The following SLC25A23 variants were observed in gnomAD, a reference collection of about 807,000 sequenced individuals.
The protein encoded by SLC25A23 is solute carrier family 25 member 23, also known as mitochondrial adenyl nucleotide antiporter SLC25A23.
A neutral mutation model predicts 53.9 loss-of-function variants in SLC25A23; 32 were observed. That is an observed-to-expected ratio of 0.59 (90% CI 0.45 to 0.80). SLC25A23 has a LOEUF of 0.80. Ranked by LOEUF, SLC25A23 falls within the 30% of genes least tolerant of loss-of-function variation. The probability of loss-of-function intolerance (pLI) is 0.00; values close to 1 mark genes in which losing one functional copy is unlikely to be tolerated. For missense variants in SLC25A23, 575 were observed against 651.4 expected (o/e 0.88, Z 1.28); for synonymous variants, 275 against 264.5 (o/e 1.04, Z -0.38).
At position 6,454,554 on chromosome 19, in the gene SLC25A23, C is replaced by T; in HGVS notation, c.642+5G>A. 1 of 1,613,594 alleles carries T rather than the reference C, an allele frequency of 6.2e-7. No homozygotes were observed. Among genetic ancestry groups the T allele is most frequent in the Non-Finnish European group, 8.5e-7 (1 of 1,179,852 alleles). Reference sequence around the variant, plus strand: ...GAGGGGGCAGGTCTCTCCAGAGCCCCTCACCTGCATGAAGACCTTGAGGCG... The same window carrying T: ...GAGGGGGCAGGTCTCTCCAGAGCCCTTCACCTGCATGAAGACCTTGAGGCG... On this transcript the variant is annotated splice_donor_5th_base_variant and intron_variant, in intron 5 of 9. Coordinates refer to ENST00000301454, the MANE Select transcript of SLC25A23 (RefSeq NM_024103.3). This position sits in a 1 kb window ranked among gnomAD's most constrained non-coding sequence, Gnocchi z 4.3.
intron 8 of SLC25A23, among the ~76,000 whole-genome samples, 171 bp downstream of exon 8, chr19:6,452,141 A>G (rs2144962603): frequency 6.6e-6 from 1 of 152,270 alleles, no homozygotes; most frequent in Admixed American, 6.5e-5. Context: ...GGAGAGTCCA[A>G]TACCTGGAAG....
chr19:6,453,877 G>T (rs1050222386), intron 7 of SLC25A23, 104 bp downstream of exon 7: 4 of 923,156 alleles, frequency 4.3e-6, no homozygotes, highest in Non-Finnish European at 6.5e-6. Context: ...ATCAGAGAGG[G>T]ACAAAGGTAA....
intron 4 of SLC25A23, chr19:6,456,161 C>A (rs2092679818): frequency 1.4e-6 from 2 of 1,390,412 alleles, no homozygotes; most frequent in Non-Finnish European, 1.9e-6. Flanking sequence ...TACCCGCAAC[C>A]CCCACACGCT....
chr19:6,450,677 G>A (rs1352487826), intron 8 of SLC25A23, among the ~76,000 whole-genome samples: 1 of 152,220 alleles, frequency 6.6e-6, no homozygotes, highest in Non-Finnish European at 1.5e-5. Context: ...TACATGCCAG[G>A]TGCTGGGGAG....
intron 1 of SLC25A23, 130 bp from the exon 2 acceptor site, chr19:6,458,454 C>G (rs969761897): frequency 1.0e-6 from 1 of 993,672 alleles, no homozygotes; most frequent in African/African-American, 1.6e-5. Flanking sequence ...AGACGTCACC[C>G]CACTTCTCCC....
chr19:6,458,575 C>T (rs1157698909), intron 1 of SLC25A23, among the ~76,000 whole-genome samples: 1 of 152,222 alleles, frequency 6.6e-6, no homozygotes, highest in Non-Finnish European at 1.5e-5. Flanking sequence ...AAGGTCAAGT[C>T]ACCAGTTCAA....
At position 6,440,972 on chromosome 19, in the gene SLC25A23, T is replaced by C. The variant is rs1224325825; in HGVS notation, c.*1003A>G. On this transcript the variant is annotated 3_prime_UTR_variant, in exon 10 of 10. Coordinates refer to ENST00000301454, the MANE Select transcript of SLC25A23 (RefSeq NM_024103.3). ...GCCTTCAAGAGATGAGGTTTCAACA[T>C]TGAGGGACTGGGCAGAGGGATTGGG... 2.6e-5 allele frequency: 4 copies of C among 152,078 alleles called. No homozygotes were observed. Among genetic ancestry groups the C allele is most frequent in the Non-Finnish European group, 4.4e-5 (3 of 68,026 alleles). 9.4% of individuals were successfully genotyped at this position (152,078 alleles called of 1,614,324 possible).
At chr19:6,439,441 A>T (rs1353536707), downstream of SLC25A23, among the ~76,000 whole-genome samples, 1 of 151,834 alleles carries the variant, frequency 6.6e-6, no homozygotes, top group African/African-American at 2.4e-5. Flanking sequence ...ACACAGACAC[A>T]CAAATTGTTT....
At chr19:6,442,261 G>T in intron 9 of SLC25A23, 102 bp from the exon 10 acceptor site, 1 of 773,546 alleles carries the variant, frequency 1.3e-6, no homozygotes, top group Admixed American at 2.9e-5. Flanking sequence ...GCAGCAGGAG[G>T]GAAGGAGGTT....
chr19:6,442,049 C>A lies in SLC25A23; in HGVS notation c.1333G>T (p.Val445Phe), dbSNP rs755282126. The change falls in exon 10 of 10, where the codon GTT becomes TTT. Residue 445 changes from valine (V) to phenylalanine (F), a missense_variant. Physicochemically the swap from Val to Phe is conservative, Grantham distance 50 (BLOSUM62 -1). Transcript: ENST00000301454. ...TAGGAGATGCTCACAGCTGGAATAACCTTCATGAAGTTGGGGGCGATCCCC... is the reference window on the plus strand; with the variant it reads ...TAGGAGATGCTCACAGCTGGAATAAACTTCATGAAGTTGGGGGCGATCCCC... The part of the protein sequence containing the change: ...YRGIAPNFMK[V>F]IPAVSISYVV... 5 of 1,613,698 alleles carry A rather than the reference C, an allele frequency of 3.1e-6. No individual in the cohort carries two copies. The highest frequency in any genetic ancestry group is 3.4e-6 in the Non-Finnish European group (4 of 1,179,876).
rs767116239 is a variant in SLC25A23, at chr19:6,453,950, T to C, written c.903+31A>G. The C allele has an allele frequency of 1.5e-5, 24 of 1,562,766 alleles. No homozygotes were observed. The Admixed American group carries it at 1.9e-4, about 13-fold the overall frequency. ...GTACAGCAGGCCCCCCACCCTGCCA[T>C]GGGGCCTCCGCTGGGGTCCCTCCTT... On this transcript the variant is annotated intron_variant, in intron 7 of 9. Transcript: ENST00000301454.
At chr19:6,455,841 T>A (rs993315467) in intron 4 of SLC25A23, 8 of 359,878 alleles carry the variant, frequency 2.2e-5, no homozygotes, top group Non-Finnish European at 3.7e-5. Flanking sequence ...GCCTTAGCCT[T>A]CCTAGTAGCT....
intron 4 of SLC25A23, 157 bp downstream of exon 4, chr19:6,456,263 G>A: frequency 2.1e-6 from 2 of 931,974 alleles, no homozygotes; most frequent in Non-Finnish European, 1.6e-6. Flanking sequence ...CTAAGTGGAG[G>A]AAGAGAGGAA....
downstream of SLC25A23, chr19:6,438,724 C>T (rs985310178): frequency 5.4e-5 from 15 of 275,378 alleles, no homozygotes; most frequent in Non-Finnish European, 1.1e-4. Flanking sequence ...TGGTGCGCAC[C>T]TGTAATACCA....
downstream of SLC25A23, among the ~76,000 whole-genome samples, chr19:6,439,397 T>TCTCA (rs1555732560): frequency 9.6e-6 from 1 of 104,136 alleles, no homozygotes; most frequent in African/African-American, 4.0e-5. Flanking sequence ...TCTCTCTCTC[T>TCTCA]CTCACACACA....
Position 6,442,171 on chromosome 19 carries a change from C to CGGGGG in SLC25A23, c.1223-17_1223-13dup. The CGGGGG allele has an allele frequency of 3.3e-6, 2 of 597,884 alleles. No homozygotes were observed. The highest frequency in any genetic ancestry group is 2.1e-5 in the South Asian group (1 of 46,782). 37.0% of individuals were successfully genotyped at this position (597,884 alleles called of 1,614,324 possible). A position where few individuals can be genotyped will look rare whatever the true frequency, so the allele number is the denominator to read the frequency against. ...ACCCTCGATGGAGGCTGGGAGGGGG[C>CGGGGG]GGGGGGGGCACCAGGTAAGGCCAAC... is the stretch of plus-strand genomic sequence containing the variant. On this transcript the variant is annotated splice_polypyrimidine_tract_variant and intron_variant, in intron 9 of 9. Transcript: ENST00000301454.
At chr19:6,439,564 C>T (rs1365293052), downstream of SLC25A23, among the ~76,000 whole-genome samples, 1 of 149,002 alleles carries the variant, frequency 6.7e-6, no homozygotes, top group Non-Finnish European at 1.5e-5. Flanking sequence ...CGTGGTGGCT[C>T]ACGCCTGTAA....
rs1445121468 is a variant in SLC25A23 at position 6,441,684 on chromosome 19, G to C, written c.*291C>G. 2 of 455,356 alleles carry C rather than the reference G, an allele frequency of 4.4e-6. No individual in the cohort carries two copies. The highest frequency in any genetic ancestry group is 8.1e-6 in the Non-Finnish European group (2 of 247,202). The allele number at this position is 455,356 out of a possible 1,614,324, so 28.2% of individuals were successfully genotyped here. On this transcript the variant is annotated 3_prime_UTR_variant, in exon 10 of 10. Coordinates refer to ENST00000301454, the MANE Select transcript of SLC25A23 (RefSeq NM_024103.3). ...CTTGAATCTTGTGGTTAGGGTAGCAGACTTGAGTTGCTGAAGTAAGGGATC... is the reference window on the plus strand; with the variant it reads ...CTTGAATCTTGTGGTTAGGGTAGCACACTTGAGTTGCTGAAGTAAGGGATC...
intron 7 of SLC25A23, 185 bp from the exon 8 acceptor site, chr19:6,452,664 C>T (rs2092609881): frequency 1.6e-6 from 1 of 618,688 alleles, no homozygotes. Context: ...GTTACACCTA[C>T]CAAAGTGCAC....
Sources: gnomAD v4.1 joint callset for allele counts (sites outside exome capture counted in the v4.1 genomes callset) on GRCh38, gnomAD v4.1.1 for gene constraint, Gnocchi (gnomAD v3.1) non-coding constraint, MANE v1.5 for transcripts, NCBI Gene and HGNC (gene_info 2026-07-23, HGNC 2026-07-21) for gene names.